Variants in LSAMP observed in about 807,000 individuals in gnomAD.
LSAMP encodes the protein limbic system-associated membrane protein.
A neutral mutation model predicts 38.6 loss-of-function variants in LSAMP; 7 were observed. That is an observed-to-expected ratio of 0.18 (90% CI 0.10 to 0.34). LSAMP has a LOEUF of 0.34. Among genes scored for constraint, LSAMP ranks in the 10% least tolerant of loss-of-function variants. The pLI is 1.00. For missense variants in LSAMP, 313 were observed against 420.0 expected (o/e 0.75, Z 2.23); for synonymous variants, 154 against 166.8 (o/e 0.92, Z 0.59).
rs1255822342 is a variant in LSAMP, at chr3:115,997,739, TATATATATATATATAC to T, written c.514+21760_514+21775del. 1.9e-4 allele frequency among the ~76,000 whole-genome samples: 15 copies of T among 80,388 alleles called. No homozygotes were observed. In the Admixed American group the frequency reaches 1.9e-3, roughly 10 times the overall value. The allele number at this position is 80,388 out of a possible 152,430, so 52.7% of individuals were successfully genotyped here. Reference sequence around the variant, plus strand: ...ATATATATATATATATATATATATATATATATATATATATACACACACATACATACACACACATATA... The same window carrying T: ...ATATATATATATATATATATATATATACACACATACATACACACACATATA... On this transcript the variant is annotated intron_variant, in intron 3 of 6. Transcript: ENST00000490035.
Position 115,804,765 on chromosome 3 carries a change from G to A in LSAMP, c.*5552C>T, listed in dbSNP as rs1933594491. The A allele has an allele frequency of 6.6e-6, 1 of 151,970 alleles. No individual in the cohort carries two copies. The highest frequency in any genetic ancestry group is 1.5e-5 in the Non-Finnish European group (1 of 68,014). 9.4% of individuals were successfully genotyped at this position (151,970 alleles called of 1,614,324 possible). A position where few individuals can be genotyped will look rare whatever the true frequency, so the allele number is the denominator to read the frequency against. On this transcript the variant is annotated 3_prime_UTR_variant, in exon 7 of 7. Transcript: ENST00000490035. ...ATATATATGTCATCCTGTTACACGTGTCAGGCACTTCAAAAAGACTCCAAG... is the reference window on the plus strand; with the variant it reads ...ATATATATGTCATCCTGTTACACGTATCAGGCACTTCAAAAAGACTCCAAG...
chr3:116,021,817 T>G (rs1290524935), intron 2 of LSAMP, among the ~76,000 whole-genome samples: 4 of 151,010 alleles, frequency 2.6e-5, no homozygotes, highest in Non-Finnish European at 4.4e-5. Context: ...CTCTCGGTGT[T>G]TTTTTTTTAA....
chr3:116,302,200 T>A (rs1422041059), intron 1 of LSAMP, among the ~76,000 whole-genome samples: 2 of 152,234 alleles, frequency 1.3e-5, no homozygotes, highest in East Asian at 3.8e-4. Context: ...TGTGTTCAGT[T>A]TATTTATTGC....
chr3:116,128,186 G>A (rs1287846028), intron 1 of LSAMP, among the ~76,000 whole-genome samples: 1 of 152,188 alleles, frequency 6.6e-6, no homozygotes, highest in Non-Finnish European at 1.5e-5. Context: ...TATAATTGTT[G>A]CCCTAGCAAG....
At chr3:115,959,219 G>A (rs1938549880) in intron 3 of LSAMP, among the ~76,000 whole-genome samples, 1 of 152,094 alleles carries the variant, frequency 6.6e-6, no homozygotes, top group Non-Finnish European at 1.5e-5. Flanking sequence ...GTGGATTTTA[G>A]CCTGAGATTT....
intron 1 of LSAMP, among the ~76,000 whole-genome samples, chr3:116,205,936 T>G (rs1214863315): frequency 7.0e-4 from 103 of 146,316 alleles, no homozygotes; most frequent in African/African-American, 2.5e-3. Context: ...TTAGGGAGGA[T>G]TCCCTCTTTT....
intron 1 of LSAMP, among the ~76,000 whole-genome samples, chr3:116,321,659 C>T (rs2047708577): frequency 6.6e-6 from 1 of 152,136 alleles, no homozygotes; most frequent in South Asian, 2.1e-4. Flanking sequence ...TTACCTTTCA[C>T]TCTTTCTATC....
chr3:116,272,769 T>C (rs887181213), intron 1 of LSAMP, among the ~76,000 whole-genome samples: 6 of 152,170 alleles, frequency 3.9e-5, no homozygotes, highest in Non-Finnish European at 7.4e-5. Context: ...GAATCTGTCC[T>C]AAGTAAGTGG....
intron 1 of LSAMP, among the ~76,000 whole-genome samples, chr3:116,250,514 G>A (rs974423498): frequency 4.0e-5 from 6 of 151,752 alleles, no homozygotes; most frequent in African/African-American, 1.5e-4. Context: ...ATACTGGAAC[G>A]GCTATTTTCT....
In LSAMP at chr3:116,019,504, G is replaced by T. The variant is rs527770694; in HGVS notation, c.514+11C>A. 9 of 1,610,732 alleles carry T rather than the reference G, an allele frequency of 5.6e-6. No individual in the cohort carries two copies. In the East Asian group the frequency reaches 2.0e-4, roughly 36 times the overall value. ...AGCATGTGGCATATTGGAACCTGGA[G>T]TATTGCTTACCAGTTGGTGTAAGGT... On this transcript the variant is annotated intron_variant, in intron 3 of 6. Coordinates refer to ENST00000490035, the MANE Select transcript of LSAMP (RefSeq NM_002338.5).
chr3:115,824,710 A>C (rs1406391713), intron 6 of LSAMP, among the ~76,000 whole-genome samples: 1 of 132,418 alleles, frequency 7.6e-6, no homozygotes. Context: ...ACTCCGTCTT[A>C]AAAAAAAAAA....
Position 116,044,952 on chromosome 3 carries a change from AC to A in LSAMP, c.389-25313del, listed in dbSNP as rs1292065158. ...TTTCCAGAATGGAAAGAAAGAAAAA[AC>A]AAAAAACAAAAAAACCCAGGCTGCC... On this transcript the variant is annotated intron_variant, in intron 2 of 6. Transcript: ENST00000490035. Among the ~76,000 whole-genome samples, 1,124 of 152,068 alleles carry A rather than the reference AC, an allele frequency of 7.4e-3. 11 individuals are homozygous for A. The highest frequency in any genetic ancestry group is 0.026 in the African/African-American group (1,082 of 41,336).
chr3:116,370,315 A>T (rs1455815190), intron 1 of LSAMP, among the ~76,000 whole-genome samples: 1 of 152,208 alleles, frequency 6.6e-6, no homozygotes, highest in African/African-American at 2.4e-5. Context: ...AGCTAAGAGA[A>T]GAATGGGAGG....
At chr3:115,915,631 T>C (rs1246498189) in intron 3 of LSAMP, among the ~76,000 whole-genome samples, 2 of 152,076 alleles carry the variant, frequency 1.3e-5, no homozygotes, top group Admixed American at 6.6e-5. Context: ...GGATGGAAAT[T>C]AGGAATATCC....
intron 1 of LSAMP, among the ~76,000 whole-genome samples, chr3:116,128,416 A>G (rs751648497): frequency 7.2e-5 from 11 of 152,218 alleles, no homozygotes; most frequent in Non-Finnish European, 1.2e-4. Flanking sequence ...AGAAGTTGGT[A>G]GAACAATTTC....
chr3:116,336,063 C>A (rs1264858424), intron 1 of LSAMP, among the ~76,000 whole-genome samples: 1 of 151,874 alleles, frequency 6.6e-6, no homozygotes, highest in Non-Finnish European at 1.5e-5. Flanking sequence ...TATTCACATG[C>A]AAAAGAATGA....
At chr3:116,302,133 A>G (rs1217309892) in intron 1 of LSAMP, among the ~76,000 whole-genome samples, 3 of 152,230 alleles carry the variant, frequency 2.0e-5, no homozygotes, top group African/African-American at 2.4e-5. Flanking sequence ...TTGTGACCCA[A>G]TAATGCAATA....
At chr3:116,000,268 A>G (rs1319641056) in intron 3 of LSAMP, among the ~76,000 whole-genome samples, 11 of 152,144 alleles carry the variant, frequency 7.2e-5, no homozygotes. Context: ...TGTGGAAACC[A>G]TCTCACTTAA....
intron 3 of LSAMP, among the ~76,000 whole-genome samples, chr3:116,005,622 A>C (rs1445043949): frequency 6.6e-6 from 1 of 152,172 alleles, no homozygotes; most frequent in African/African-American, 2.4e-5. Flanking sequence ...TGCTGTGGAG[A>C]GCTTAGAGTG....
Sources: allele counts gnomAD v4.1 joint callset (sites outside exome capture counted in the v4.1 genomes callset), GRCh38; gene constraint gnomAD v4.1.1; transcripts MANE v1.5; gene names NCBI Gene and HGNC (gene_info 2026-07-23, HGNC 2026-07-21).